Variants in PRKCE observed in about 807,000 individuals in gnomAD.
The protein encoded by PRKCE is protein kinase C epsilon type.
Under a neutral mutation model 85.4 loss-of-function variants are expected in PRKCE, and 16 were observed. That is an observed-to-expected ratio of 0.19 (90% CI 0.13 to 0.28). The LOEUF (loss-of-function observed/expected upper bound fraction) is 0.28. PRKCE is among the 10% of genes least tolerant of loss of function. The probability of loss-of-function intolerance (pLI) is 1.00; values close to 1 mark genes in which losing one functional copy is unlikely to be tolerated. For synonymous variants in PRKCE, 388 were observed against 371.5 expected (o/e 1.04, Z -0.51); for missense variants, 573 against 975.2 (o/e 0.59, Z 5.49).
At chr2:45,932,914 C>T (rs1016284484) in intron 2 of PRKCE, among the ~76,000 whole-genome samples, 9 of 152,208 alleles carry the variant, frequency 5.9e-5, no homozygotes, top group African/African-American at 1.2e-4. Flanking sequence ...TCACCTAGCT[C>T]AATGTCTTCA....
At position 46,185,972 on chromosome 2, in the gene PRKCE, C is replaced by T. The variant is rs993487664; in HGVS notation, c.*1091C>T. The stretch of plus-strand genomic sequence containing the variant: ...AACATTAAACATGTAAAGTTATATA[C>T]GAAATATCTGCTTTTGGAATAAGCA... On this transcript the variant is annotated 3_prime_UTR_variant, in exon 15 of 15. Coordinates refer to ENST00000306156, the MANE Select transcript of PRKCE (RefSeq NM_005400.3). This position sits in a 1 kb window ranked among gnomAD's most constrained non-coding sequence, Gnocchi z 4.7. 5.9e-5 allele frequency: 9 copies of T among 152,308 alleles called. No homozygotes were observed. Among genetic ancestry groups the T allele is most frequent in the South Asian group, 2.1e-4 (1 of 4,832 alleles). The allele number at this position is 152,308 out of a possible 1,614,324, so 9.4% of individuals were successfully genotyped here.
chr2:46,153,175 T>C (rs962539631), intron 13 of PRKCE, among the ~76,000 whole-genome samples: 1 of 152,226 alleles, frequency 6.6e-6, no homozygotes, highest in Non-Finnish European at 1.5e-5. Flanking sequence ...TGTGGAATTA[T>C]TTATTATTTT....
At chr2:45,727,804 G>A (rs537360072) in intron 1 of PRKCE, among the ~76,000 whole-genome samples, 37 of 152,016 alleles carry the variant, frequency 2.4e-4, no homozygotes, top group Admixed American at 4.6e-4. Flanking sequence ...ACAGGTGCCC[G>A]CCACCACACC....
chr2:45,756,602 A>G (rs1455577729), intron 1 of PRKCE, among the ~76,000 whole-genome samples: 2 of 152,232 alleles, frequency 1.3e-5, no homozygotes, highest in East Asian at 1.9e-4. Context: ...TTTCATCAAG[A>G]TAGAATGGAT....
chr2:45,909,807 C>A (rs1697245963), intron 2 of PRKCE, among the ~76,000 whole-genome samples: 1 of 152,170 alleles, frequency 6.6e-6, no homozygotes, highest in Non-Finnish European at 1.5e-5. Flanking sequence ...TGTCTCTTTC[C>A]TTCAGGCAGG....
At chr2:45,739,241 G>A (rs1420089766) in intron 1 of PRKCE, among the ~76,000 whole-genome samples, 1 of 152,232 alleles carries the variant, frequency 6.6e-6, no homozygotes, top group Non-Finnish European at 1.5e-5. Flanking sequence ...GTCCACTGCT[G>A]TGGCTGGGTC....
intron 1 of PRKCE, among the ~76,000 whole-genome samples, chr2:45,823,795 T>G (rs1279445587): frequency 6.6e-6 from 1 of 152,258 alleles, no homozygotes; most frequent in Non-Finnish European, 1.5e-5. Context: ...ATGTCCAGCT[T>G]TGCTGCTGGC....
intron 2 of PRKCE, among the ~76,000 whole-genome samples, 174 bp from the exon 3 acceptor site, chr2:45,976,255 C>T (rs1480413583): frequency 6.6e-6 from 1 of 152,216 alleles, no homozygotes; most frequent in Non-Finnish European, 1.5e-5. Flanking sequence ...TGCTCGCTCA[C>T]TCCAGCTGCT....
At chr2:46,042,385 G>A (rs1708266454) in intron 10 of PRKCE, among the ~76,000 whole-genome samples, 1 of 152,176 alleles carries the variant, frequency 6.6e-6, no homozygotes, top group Non-Finnish European at 1.5e-5. Context: ...TGGGTCAGTT[G>A]GAGTTTTTCA....
intron 1 of PRKCE, among the ~76,000 whole-genome samples, chr2:45,809,826 G>T (rs1688526998): frequency 1.3e-5 from 2 of 150,522 alleles, no homozygotes; most frequent in Non-Finnish European, 3.0e-5. Context: ...GTTGCGGTGA[G>T]CCAAGATCGC....
intron 2 of PRKCE, among the ~76,000 whole-genome samples, chr2:45,913,836 C>G (rs1298049264): frequency 6.6e-6 from 1 of 152,212 alleles, no homozygotes; most frequent in Non-Finnish European, 1.5e-5. Flanking sequence ...TACAGCCCAA[C>G]ACAATGTGAC....
chr2:45,872,352 G>A (rs530017955), intron 2 of PRKCE, among the ~76,000 whole-genome samples: 6 of 152,326 alleles, frequency 3.9e-5, no homozygotes, highest in African/African-American at 7.2e-5. Context: ...GGGTGGAAAC[G>A]AGGTCAGAGC....
intron 1 of PRKCE, among the ~76,000 whole-genome samples, chr2:45,799,070 G>A (rs182759360): frequency 0.01 from 1,545 of 151,776 alleles, 16 homozygotes; most frequent in Non-Finnish European, 0.016. Flanking sequence ...GGAGGCTGAG[G>A]CAAGAGAATG....
At chr2:45,758,171 C>T (rs1684166658) in intron 1 of PRKCE, among the ~76,000 whole-genome samples, 1 of 152,200 alleles carries the variant, frequency 6.6e-6, no homozygotes, top group Admixed American at 6.5e-5. Context: ...CACTTAAAAA[C>T]TGGGCAACCT....
At chr2:45,938,751 A>G (rs1162187886) in intron 2 of PRKCE, among the ~76,000 whole-genome samples, 2 of 152,158 alleles carry the variant, frequency 1.3e-5, no homozygotes, top group Admixed American at 6.5e-5. Flanking sequence ...GTTTGCTTAA[A>G]TTGAGAAAGC....
chr2:46,030,690 C>G (rs1024348419), intron 10 of PRKCE, among the ~76,000 whole-genome samples: 1 of 152,164 alleles, frequency 6.6e-6, no homozygotes, highest in Non-Finnish European at 1.5e-5. Context: ...CATAATACTT[C>G]CCTGTAGCAA....
At chr2:46,179,009 C>T (rs1006335004) in intron 14 of PRKCE, among the ~76,000 whole-genome samples, 2 of 152,072 alleles carry the variant, frequency 1.3e-5, no homozygotes, top group African/African-American at 4.8e-5. Flanking sequence ...GACAGCATGT[C>T]TCAGTTCAGG....
At chr2:45,851,463 T>C (rs1692251222) in intron 2 of PRKCE, among the ~76,000 whole-genome samples, 1 of 152,140 alleles carries the variant, frequency 6.6e-6, no homozygotes, top group Non-Finnish European at 1.5e-5. Flanking sequence ...GGGGTATGTG[T>C]GTGTGTTTGC....
intron 1 of PRKCE, among the ~76,000 whole-genome samples, chr2:45,789,051 C>T (rs1207265046): frequency 6.6e-6 from 1 of 152,068 alleles, no homozygotes; most frequent in Non-Finnish European, 1.5e-5. Flanking sequence ...GGAGAACCAC[C>T]CACTTAGACC....
Sources: gnomAD v4.1 joint callset for allele counts (sites outside exome capture counted in the v4.1 genomes callset) on GRCh38, gnomAD v4.1.1 for gene constraint, Gnocchi (gnomAD v3.1) non-coding constraint, MANE v1.5 for transcripts, NCBI Gene and HGNC (gene_info 2026-07-23, HGNC 2026-07-21) for gene names.